Variants in INPP4B observed in about 807,000 individuals in gnomAD.
INPP4B encodes the protein inositol polyphosphate-4-phosphatase type II B, also known as inositol polyphosphate 4-phosphatase type II.
Under a neutral mutation model 122.5 loss-of-function variants are expected in INPP4B, and 55 were observed. The observed-to-expected ratio is 0.45, with a 90% CI of 0.36 to 0.56. The LOEUF (loss-of-function observed/expected upper bound fraction) is 0.56. INPP4B is among the 20% of genes least tolerant of loss of function. The pLI, the probability that INPP4B is intolerant of heterozygous loss-of-function variation, is 0.00. For synonymous variants in INPP4B, 403 were observed against 388.7 expected (o/e 1.04, Z -0.43); for missense variants, 1,000 against 1,097.7 (o/e 0.91, Z 1.26).
chr4:142,247,278 G>T (rs1281741427), intron 11 of INPP4B, among the ~76,000 whole-genome samples: 1 of 152,100 alleles, frequency 6.6e-6, no homozygotes, highest in Non-Finnish European at 1.5e-5. Context: ...GTCTCTGCCA[G>T]GTTTTTGTAT....
intron 5 of INPP4B, among the ~76,000 whole-genome samples, chr4:142,410,830 T>A (rs1053569091): frequency 6.6e-6 from 1 of 152,240 alleles, no homozygotes; most frequent in African/African-American, 2.4e-5. Context: ...ATAGTTATAC[T>A]GTGCATTAAC....
chr4:142,652,303 A>C (rs2150543402), intron 2 of INPP4B, among the ~76,000 whole-genome samples: 1 of 152,300 alleles, frequency 6.6e-6, no homozygotes, highest in East Asian at 1.9e-4. Context: ...CCCTTTGAAA[A>C]CCAGCACAAG....
At chr4:142,082,331 C>T in intron 24 of INPP4B, 146 bp from the exon 25 acceptor site, 4 of 592,758 alleles carry the variant, frequency 6.7e-6, no homozygotes, top group Non-Finnish European at 8.1e-6. Flanking sequence ...CAATCGGTCT[C>T]ATCAAATGTA....
At chr4:142,577,301 A>G (rs1451680987) in intron 2 of INPP4B, among the ~76,000 whole-genome samples, 1 of 152,014 alleles carries the variant, frequency 6.6e-6, no homozygotes, top group African/African-American at 2.4e-5. Flanking sequence ...ATCATGTCCA[A>G]TTTCAAGCCT....
rs1270259442 is a variant in INPP4B, at chr4:142,478,940, A to G, written c.-190-16214T>C. Among the ~76,000 whole-genome samples the G allele has an allele frequency of 3.3e-5, 5 of 152,326 alleles. No individual in the cohort carries two copies. The South Asian group carries it at 8.3e-4, about 25-fold the overall frequency. On this transcript the variant is annotated intron_variant, in intron 2 of 25. Coordinates refer to ENST00000262992, the MANE Select transcript of INPP4B (RefSeq NM_001101669.3). ...TTTCATGATGAAGACAACAAAAGCA[A>G]TTGCAACAAAAACAAAAATTGACAA...
At chr4:142,246,034 G>GTTATA (rs1728396000) in intron 11 of INPP4B, among the ~76,000 whole-genome samples, 1 of 114,116 alleles carries the variant, frequency 8.8e-6, no homozygotes, top group African/African-American at 3.2e-5. Flanking sequence ...GTACACACAC[G>GTTATA]TGTGTGTATA....
chr4:142,354,976 C>T (rs919085113), intron 7 of INPP4B, among the ~76,000 whole-genome samples: 2 of 151,844 alleles, frequency 1.3e-5, no homozygotes, highest in East Asian at 1.9e-4. Flanking sequence ...GCTTGTGGCT[C>T]GTGGCTCGAG....
chr4:142,063,387 A>C (rs2152447046), intron 25 of INPP4B, among the ~76,000 whole-genome samples: 1 of 152,306 alleles, frequency 6.6e-6, no homozygotes, highest in Non-Finnish European at 1.5e-5. Context: ...ACCCTAAATG[A>C]ATTAAAAAGC....
intron 2 of INPP4B, among the ~76,000 whole-genome samples, chr4:142,603,471 G>T (rs1740526112): frequency 6.6e-6 from 1 of 151,650 alleles, no homozygotes; most frequent in African/African-American, 2.4e-5. Context: ...TTTATAAAAT[G>T]CTAACTCATT....
At chr4:142,050,675 G>A (rs966125576) in intron 25 of INPP4B, among the ~76,000 whole-genome samples, 16 of 151,912 alleles carry the variant, frequency 1.1e-4, no homozygotes, top group South Asian at 4.1e-4. Context: ...GTAAATATTC[G>A]TTTTGTAATA....
At chr4:142,457,647 A>T (rs1045041946) in intron 3 of INPP4B, among the ~76,000 whole-genome samples, 2 of 152,200 alleles carry the variant, frequency 1.3e-5, no homozygotes, top group Admixed American at 6.5e-5. Flanking sequence ...GACAATACCA[A>T]TCTCTGGTAA....
chr4:142,739,734 T>C (rs1767625542), intron 1 of INPP4B, among the ~76,000 whole-genome samples: 2 of 152,010 alleles, frequency 1.3e-5, no homozygotes, highest in Admixed American at 6.6e-5. Flanking sequence ...CATTAGGTCA[T>C]TGGATTAAAA....
intron 2 of INPP4B, among the ~76,000 whole-genome samples, chr4:142,473,822 C>T (rs1819343751): frequency 6.6e-6 from 1 of 152,210 alleles, no homozygotes; most frequent in South Asian, 2.1e-4. Flanking sequence ...ACTTCCAGCC[C>T]AGCAGACTCA....
intron 14 of INPP4B, among the ~76,000 whole-genome samples, chr4:142,207,026 C>T (rs547806006): frequency 6.6e-6 from 1 of 152,156 alleles, no homozygotes; most frequent in East Asian, 1.9e-4. Flanking sequence ...ATTTTAGATT[C>T]CTCATATAAG....
chr4:142,354,431 C>A lies in INPP4B; in HGVS notation c.373-39669G>T, dbSNP rs569248762. ...AAAGCAGAGTGGAAGATTCTTGTGTCCCCCACAGACCTGGAGTTCTTGTCT... is the reference window on the plus strand; with the variant it reads ...AAAGCAGAGTGGAAGATTCTTGTGTACCCCACAGACCTGGAGTTCTTGTCT... On this transcript the variant is annotated intron_variant, in intron 7 of 25. Transcript: ENST00000262992. Among the ~76,000 whole-genome samples, 7 of 152,054 alleles carry A rather than the reference C, an allele frequency of 4.6e-5. No homozygotes were observed. The South Asian group carries it at 1.4e-3, about 31-fold the overall frequency.
chr4:142,490,602 T>C (rs1821756054), intron 2 of INPP4B, among the ~76,000 whole-genome samples: 1 of 152,144 alleles, frequency 6.6e-6, no homozygotes, highest in South Asian at 2.1e-4. Flanking sequence ...GAATATAATA[T>C]ATTGTTATTA....
chr4:142,647,082 A>G (rs1386803050), intron 2 of INPP4B, among the ~76,000 whole-genome samples: 1 of 152,192 alleles, frequency 6.6e-6, no homozygotes, highest in Non-Finnish European at 1.5e-5. Context: ...ATAATTTTCC[A>G]TAAAGAGAAG....
chr4:142,633,009 T>G (rs1289871274), intron 2 of INPP4B, among the ~76,000 whole-genome samples: 1 of 151,774 alleles, frequency 6.6e-6, no homozygotes, highest in Non-Finnish European at 1.5e-5. Context: ...TTAAAAAACA[T>G]GTAAACTATA....
intron 25 of INPP4B, among the ~76,000 whole-genome samples, chr4:142,066,945 C>T (rs949671730): frequency 2.0e-5 from 3 of 152,192 alleles, no homozygotes; most frequent in Non-Finnish European, 4.4e-5. Context: ...AGACTTAAAC[C>T]TCCTTGTCTG....
Sources: gnomAD v4.1 joint callset for allele counts (sites outside exome capture counted in the v4.1 genomes callset) on GRCh38, gnomAD v4.1.1 for gene constraint, MANE v1.5 for transcripts, NCBI Gene and HGNC (gene_info 2026-07-23, HGNC 2026-07-21) for gene names.